Variants in SAMMSON observed in about 807,000 individuals in gnomAD.
The protein encoded by SAMMSON is long intergenic non-protein coding RNA 1212.
At chr3:70,017,372 G>T (rs1424105258) in intron 3 of SAMMSON, among the ~76,000 whole-genome samples, 1 of 152,070 alleles carries the variant, frequency 6.6e-6, no homozygotes, top group African/African-American at 2.4e-5. Context: ...GTTCACTCAT[G>T]ATTTGGCTCT....
intron 6 of SAMMSON, among the ~76,000 whole-genome samples, chr3:70,262,509 G>T (rs1701876280): frequency 6.6e-6 from 1 of 152,142 alleles, no homozygotes; most frequent in Non-Finnish European, 1.5e-5. Context: ...ATGGCTTGGG[G>T]GCTCTGGAAT....
At chr3:70,169,072 A>G (rs374551914) in intron 4 of SAMMSON, among the ~76,000 whole-genome samples, 1 of 152,020 alleles carries the variant, frequency 6.6e-6, no homozygotes, top group South Asian at 2.1e-4. Context: ...TCACAAAACA[A>G]CTAAAATATA....
intron 7 of SAMMSON, chr3:70,302,572 C>A (rs780727226): frequency 9.9e-5 from 15 of 152,182 alleles, no homozygotes; most frequent in Non-Finnish European, 1.3e-4. Flanking sequence ...AAAGGTGTAA[C>A]TTTCTTGAAA....
intron 7 of SAMMSON, among the ~76,000 whole-genome samples, chr3:70,346,527 A>C (rs1050581031): frequency 6.6e-6 from 1 of 152,014 alleles, no homozygotes; most frequent in Non-Finnish European, 1.5e-5. Flanking sequence ...ACTCCTTTTA[A>C]ACTTTCCTCC....
At chr3:70,217,598 C>T (rs1423754171) in intron 4 of SAMMSON, among the ~76,000 whole-genome samples, 1 of 152,048 alleles carries the variant, frequency 6.6e-6, no homozygotes, top group Non-Finnish European at 1.5e-5. Context: ...GCTGAAAAAA[C>T]AGTTTTTCAC....
chr3:70,177,644 A>C (rs1701017852), intron 4 of SAMMSON, among the ~76,000 whole-genome samples: 1 of 152,212 alleles, frequency 6.6e-6, no homozygotes, highest in Non-Finnish European at 1.5e-5. Context: ...TTGAGAATTT[A>C]CCTCGCACTG....
intron 2 of SAMMSON, among the ~76,000 whole-genome samples, chr3:70,402,480 G>C (rs956230114): frequency 6.6e-6 from 1 of 151,860 alleles, no homozygotes; most frequent in Non-Finnish European, 1.5e-5. Flanking sequence ...GGATTAAGTT[G>C]GTGTATTTTT....
At chr3:70,108,441 T>TTTTTTTTTTTTTTTTTTTA (rs1553715435) in intron 4 of SAMMSON, among the ~76,000 whole-genome samples, 8 of 146,404 alleles carry the variant, frequency 5.5e-5, no homozygotes, top group African/African-American at 1.8e-4. Context: ...TTTTTTTTTT[T>TTTTTTTTTTTTTTTTTTTA]ATCATAACTC....
intron 2 of SAMMSON, among the ~76,000 whole-genome samples, chr3:70,401,783 TTG>T (rs1701143749): frequency 6.6e-6 from 1 of 152,194 alleles, no homozygotes; most frequent in African/African-American, 2.4e-5. Context: ...AATTTTCCTT[TTG>T]CCTAAGGCAA....
intron 4 of SAMMSON, among the ~76,000 whole-genome samples, chr3:70,248,604 A>T (rs1385374806): frequency 6.6e-6 from 1 of 152,118 alleles, no homozygotes; most frequent in African/African-American, 2.4e-5. Flanking sequence ...AAGGGACAAG[A>T]TTGGATTAGA....
At chr3:70,005,457 G>A (rs1199149891) in intron 1 of SAMMSON, among the ~76,000 whole-genome samples, 1 of 152,088 alleles carries the variant, frequency 6.6e-6, no homozygotes, top group Non-Finnish European at 1.5e-5. Flanking sequence ...TCCATGTGGT[G>A]TTTCATCATT....
intron 2 of SAMMSON, among the ~76,000 whole-genome samples, chr3:70,423,135 G>A (rs961713407): frequency 2.6e-5 from 4 of 151,952 alleles, no homozygotes; most frequent in African/African-American, 9.7e-5. Flanking sequence ...TGAAAAAGGG[G>A]AGAAGCACAG....
intron 2 of SAMMSON, among the ~76,000 whole-genome samples, chr3:70,397,641 T>C (rs1039493852): frequency 6.6e-6 from 1 of 152,164 alleles, no homozygotes; most frequent in Non-Finnish European, 1.5e-5. Flanking sequence ...TGTGTATGTG[T>C]GTATGATTTC....
At chr3:70,371,295 C>T (rs898801359) in intron 9 of SAMMSON, among the ~76,000 whole-genome samples, 12 of 151,770 alleles carry the variant, frequency 7.9e-5, no homozygotes, top group Non-Finnish European at 1.2e-4. Context: ...TTGACTATTC[C>T]GGCTCTTTTT....
chr3:70,335,704 G>A (rs1702655383), intron 7 of SAMMSON, among the ~76,000 whole-genome samples: 1 of 151,942 alleles, frequency 6.6e-6, no homozygotes, highest in Non-Finnish European at 1.5e-5. Flanking sequence ...TGCTTGCGAA[G>A]TATTGAAGTT....
chr3:70,329,463 A>G (rs1256462347), intron 7 of SAMMSON, among the ~76,000 whole-genome samples: 2 of 152,072 alleles, frequency 1.3e-5, no homozygotes, highest in South Asian at 2.1e-4. Context: ...TAGCAACTCA[A>G]TCATGTATAT....
rs770689062 is a variant in SAMMSON at position 70,274,090 on chromosome 3, T to TGTGTGTGTGC, written n.675-17088_675-17087insTGTGTGTGCG. 4.0e-3 allele frequency among the ~76,000 whole-genome samples: 575 copies of TGTGTGTGTGC among 145,052 alleles called. 2 individuals are homozygous for TGTGTGTGTGC. The highest frequency in any genetic ancestry group is 6.0e-3 in the Non-Finnish European group (405 of 67,226). On this transcript the variant is annotated intron_variant and non_coding_transcript_variant, in intron 6 of 9. Transcript: ENST00000642114. ...GTGTGTGTGTGTGTGTGTGTGTGTG[T>TGTGTGTGTGC]GCGCGCGCGCATGTGTGTGTGTGAG...
At chr3:70,085,533 A>C (rs1384993023) in intron 4 of SAMMSON, among the ~76,000 whole-genome samples, 1 of 152,168 alleles carries the variant, frequency 6.6e-6, no homozygotes, top group Non-Finnish European at 1.5e-5. Context: ...TCCTAATTTG[A>C]GTAAGTCTTC....
intron 4 of SAMMSON, among the ~76,000 whole-genome samples, chr3:70,217,807 A>G (rs1305477349): frequency 6.6e-6 from 1 of 152,154 alleles, no homozygotes; most frequent in Non-Finnish European, 1.5e-5. Context: ...TTATTTAGCT[A>G]GTTCTGTCTC....
Sources: allele counts gnomAD v4.1 joint callset (sites outside exome capture counted in the v4.1 genomes callset), GRCh38; gene constraint gnomAD v4.1.1; transcripts MANE v1.5; gene names NCBI Gene and HGNC (gene_info 2026-07-23, HGNC 2026-07-21).